Variants in TENM2 observed in about 807,000 individuals in gnomAD.
TENM2 encodes teneurin-2.
In TENM2, 52 loss-of-function variants were observed where a neutral mutation model predicts 245.2. That is an observed-to-expected ratio of 0.21 (90% CI 0.17 to 0.27). The LOEUF (loss-of-function observed/expected upper bound fraction) is 0.27, where lower values mean the gene tolerates loss of function less well. Ranked by LOEUF, TENM2 falls within the 10% of genes least tolerant of loss-of-function variation. TENM2 has a pLI of 1.00. For synonymous variants in TENM2, 1,363 were observed against 1,438.9 expected, an observed-to-expected ratio of 0.95 and a Z score of 1.19; for missense variants, 3,046 against 3,666.8, an observed-to-expected ratio of 0.83 and a Z score of 4.37.
chr5:167,667,693 G>A (rs924691188), intron 2 of TENM2, among the ~76,000 whole-genome samples: 6 of 152,266 alleles, frequency 3.9e-5, no homozygotes, highest in South Asian at 4.2e-4. Context: ...GGAGACAGTC[G>A]TCTCACTAAT....
At chr5:167,736,164 G>A (rs942920085) in intron 2 of TENM2, among the ~76,000 whole-genome samples, 3 of 152,096 alleles carry the variant, frequency 2.0e-5, no homozygotes, top group African/African-American at 4.8e-5. Flanking sequence ...CAGCAGCGAG[G>A]AGAAGTACAG....
intron 25 of TENM2, among the ~76,000 whole-genome samples, chr5:168,238,920 G>A (rs1765844231): frequency 6.6e-6 from 1 of 152,138 alleles, no homozygotes; most frequent in Admixed American, 6.5e-5. Context: ...TTAAAAATTG[G>A]TTTCTCTATC....
chr5:168,078,048 C>T (rs555744561), intron 7 of TENM2, among the ~76,000 whole-genome samples: 4 of 152,208 alleles, frequency 2.6e-5, no homozygotes, highest in East Asian at 3.9e-4. Flanking sequence ...CCACAAACAG[C>T]GTAAAAATGT....
chr5:167,391,257 G>A (rs1375909772), intron 2 of TENM2, among the ~76,000 whole-genome samples: 1 of 152,134 alleles, frequency 6.6e-6, no homozygotes, highest in Non-Finnish European at 1.5e-5. Flanking sequence ...AGAAGTAAAT[G>A]ATTTGAGATG....
chr5:168,253,819 T>C (rs1020826685), intron 27 of TENM2, among the ~76,000 whole-genome samples: 1 of 152,210 alleles, frequency 6.6e-6, no homozygotes, highest in Non-Finnish European at 1.5e-5. Context: ...TTCTGAGGTA[T>C]GTGGAGAACG....
chr5:167,116,438 G>C, the TENM2 span: 1 of 152,196 alleles, frequency 6.6e-6, no homozygotes, highest in Non-Finnish European at 1.5e-5. Flanking sequence ...TGTGGTAGTG[G>C]GCCCAGAGAG....
chr5:167,105,587 T>C, the TENM2 span, among the ~76,000 whole-genome samples: 1 of 152,138 alleles, frequency 6.6e-6, no homozygotes, highest in African/African-American at 2.4e-5. Context: ...GGATAACATA[T>C]GATTTTTAAG....
At chr5:168,200,613 G>T (rs1022141726) in intron 17 of TENM2, among the ~76,000 whole-genome samples, 4 of 152,220 alleles carry the variant, frequency 2.6e-5, no homozygotes, top group Non-Finnish European at 5.9e-5. Context: ...TCAGGGGCTA[G>T]TTCATTTTCC....
chr5:167,006,114 C>CT, the TENM2 span, among the ~76,000 whole-genome samples: 3 of 152,056 alleles, frequency 2.0e-5, no homozygotes, highest in African/African-American at 7.2e-5. Flanking sequence ...CCCTGCACAA[C>CT]TTTTTTCTTG....
intron 2 of TENM2, among the ~76,000 whole-genome samples, chr5:167,460,527 A>G (rs1366564937): frequency 6.6e-6 from 1 of 152,108 alleles, no homozygotes; most frequent in Non-Finnish European, 1.5e-5. Flanking sequence ...ATCTCTCTCT[A>G]ACTCTCCATA....
At chr5:167,195,675 G>A in the TENM2 span, among the ~76,000 whole-genome samples, 2 of 151,814 alleles carry the variant, frequency 1.3e-5, no homozygotes, top group Admixed American at 6.6e-5. Context: ...ATAAATAAGA[G>A]CTATTATTAC....
chr5:167,188,618 T>C, the TENM2 span, among the ~76,000 whole-genome samples: 5 of 152,166 alleles, frequency 3.3e-5, no homozygotes, highest in Non-Finnish European at 5.9e-5. Flanking sequence ...GAAAAGAGTT[T>C]GACAAGGTTT....
intron 2 of TENM2, among the ~76,000 whole-genome samples, chr5:167,419,882 T>C (rs906950386): frequency 2.0e-5 from 3 of 152,288 alleles, no homozygotes; most frequent in Admixed American, 2.0e-4. Flanking sequence ...GGACTTCCAA[T>C]AGTGAGCAAG....
At chr5:168,238,005 C>T (rs1052454269) in intron 25 of TENM2, among the ~76,000 whole-genome samples, 11 of 151,212 alleles carry the variant, frequency 7.3e-5, no homozygotes, top group Non-Finnish European at 1.5e-4. Context: ...ATTAGCTGGG[C>T]ATGGTGGCGG....
intron 2 of TENM2, among the ~76,000 whole-genome samples, chr5:167,839,382 TA>T: frequency 1.3e-5 from 2 of 152,300 alleles, no homozygotes; most frequent in Admixed American, 1.3e-4. Flanking sequence ...CATCCATAAT[TA>T]AAAAGGGTGC....
chr5:167,962,700 G>A lies in TENM2; in HGVS notation c.947+9878G>A, dbSNP rs557799768. Among the ~76,000 whole-genome samples the A allele has an allele frequency of 5.9e-5, 9 of 152,256 alleles. No homozygotes were observed. The South Asian group carries it at 8.3e-4, about 14-fold the overall frequency. ...AGCAAACACACTCTTCTTCAACATG[G>A]CAGCATCAACTGCTGAGCAAAAGGG... On this transcript the variant is annotated intron_variant, in intron 4 of 28. Coordinates refer to ENST00000518659, the Ensembl canonical transcript of TENM2.
chr5:168,198,753 T>G (rs533752768), intron 15 of TENM2, 100 bp from the exon 18 acceptor site: 1 of 1,432,204 alleles, frequency 7.0e-7, no homozygotes, highest in Non-Finnish European at 9.6e-7. Context: ...GTCTCCTCTG[T>G]GCTCTGCCCA....
chr5:167,067,899 G>C, the TENM2 span, among the ~76,000 whole-genome samples: 2 of 152,274 alleles, frequency 1.3e-5, no homozygotes, highest in African/African-American at 4.8e-5. Context: ...AATAGCATTT[G>C]TGATGAGGCC....
chr5:167,576,635 C>G (rs979303843), intron 2 of TENM2, among the ~76,000 whole-genome samples: 1 of 152,124 alleles, frequency 6.6e-6, no homozygotes, highest in Non-Finnish European at 1.5e-5. Context: ...TGCTAAAACC[C>G]TTTAACATGC....
Sources: gnomAD v4.1 joint callset for allele counts (sites outside exome capture counted in the v4.1 genomes callset) on GRCh38, gnomAD v4.1.1 for gene constraint, MANE v1.5 for transcripts, NCBI Gene and HGNC (gene_info 2026-07-23, HGNC 2026-07-21) for gene names.